Variants in PPARGC1A observed in about 807,000 individuals in gnomAD.
PPARGC1A encodes the protein peroxisome proliferator-activated receptor gamma coactivator 1-alpha.
In PPARGC1A, 25 loss-of-function variants were observed where a neutral mutation model predicts 88.7. The observed-to-expected ratio is 0.28, with a 90% CI of 0.21 to 0.39. The LOEUF is 0.39. PPARGC1A is among the 10% of genes least tolerant of loss of function. PPARGC1A has a pLI of 1.00. For missense variants in PPARGC1A, 880 were observed against 968.7 expected (o/e 0.91, Z 1.22); for synonymous variants, 363 against 355.6 (o/e 1.02, Z -0.24).
the PPARGC1A span, among the ~76,000 whole-genome samples, chr4:24,057,055 G>C: frequency 6.6e-6 from 1 of 152,248 alleles, no homozygotes; most frequent in Non-Finnish European, 1.5e-5. Context: ...AGTAACTCAA[G>C]TATCCATCAA....
the PPARGC1A span, among the ~76,000 whole-genome samples, chr4:23,940,317 C>T: frequency 6.6e-6 from 1 of 152,046 alleles, no homozygotes; most frequent in African/African-American, 2.4e-5. Flanking sequence ...CTGTGGAAGA[C>T]GCTACATGGA....
At chr4:24,291,300 GC>G in the PPARGC1A span, among the ~76,000 whole-genome samples, 7 of 152,096 alleles carry the variant, frequency 4.6e-5, no homozygotes, top group Non-Finnish European at 1.0e-4. Flanking sequence ...TAATAAATTA[GC>G]TTCTTCCCAC....
chr4:24,136,734 G>A, the PPARGC1A span, among the ~76,000 whole-genome samples: 45 of 152,250 alleles, frequency 3.0e-4, no homozygotes, highest in African/African-American at 1.1e-3. Context: ...GAACTGAACT[G>A]TGTCCCCTGA....
chr4:24,041,301 GCA>G, the PPARGC1A span, among the ~76,000 whole-genome samples: 5 of 152,148 alleles, frequency 3.3e-5, no homozygotes. Flanking sequence ...TCCCTGCTGG[GCA>G]CAGTTTAGAA....
the PPARGC1A span, among the ~76,000 whole-genome samples, chr4:24,312,535 A>C: frequency 6.6e-6 from 1 of 151,924 alleles, no homozygotes; most frequent in Admixed American, 6.6e-5. Context: ...TATTTATCAG[A>C]AAATCAGCTT....
the PPARGC1A span, among the ~76,000 whole-genome samples, chr4:24,040,013 A>G: frequency 6.6e-6 from 1 of 152,216 alleles, no homozygotes; most frequent in Non-Finnish European, 1.5e-5. Flanking sequence ...AATAGCCAGG[A>G]TATCTCCACA....
chr4:23,942,006 C>G, the PPARGC1A span, among the ~76,000 whole-genome samples: 1 of 151,996 alleles, frequency 6.6e-6, no homozygotes, highest in Non-Finnish European at 1.5e-5. Flanking sequence ...GGCTTTAGCT[C>G]TTAAAAATCA....
At chr4:24,224,191 CAGAT>C in the PPARGC1A span, among the ~76,000 whole-genome samples, 3 of 152,146 alleles carry the variant, frequency 2.0e-5, no homozygotes, top group African/African-American at 7.2e-5. Context: ...CCAAATCCCT[CAGAT>C]AGATTATGGA....
the PPARGC1A span, among the ~76,000 whole-genome samples, chr4:24,435,764 A>G: frequency 6.6e-6 from 1 of 152,226 alleles, no homozygotes; most frequent in South Asian, 2.1e-4. Flanking sequence ...CATTTTACTA[A>G]CAAAGATACT....
At chr4:24,257,476 G>C in the PPARGC1A span, among the ~76,000 whole-genome samples, 14 of 152,146 alleles carry the variant, frequency 9.2e-5, no homozygotes, top group Admixed American at 8.5e-4. Flanking sequence ...CAGGGCATTG[G>C]TTGTCCTGGC....
At chr4:24,183,518 T>C in the PPARGC1A span, among the ~76,000 whole-genome samples, 21 of 152,206 alleles carry the variant, frequency 1.4e-4, no homozygotes, top group East Asian at 1.3e-3. Context: ...CTTTAAGGTC[T>C]AGAAAAGAGC....
At chr4:23,992,299 GATAATATTATTACTAGTCTA>G in the PPARGC1A span, among the ~76,000 whole-genome samples, 1 of 144,932 alleles carries the variant, frequency 6.9e-6, no homozygotes, top group South Asian at 2.1e-4. Flanking sequence ...ATTATTATCA[GATAATATTATTACTAGTCTA>G]TACTATTATT....
the PPARGC1A span, among the ~76,000 whole-genome samples, chr4:24,411,345 AT>A: frequency 6.6e-6 from 1 of 152,160 alleles, no homozygotes; most frequent in Non-Finnish European, 1.5e-5. Flanking sequence ...CACTAACATT[AT>A]TTTTCAATAG....
intron 2 of PPARGC1A, among the ~76,000 whole-genome samples, chr4:23,875,217 C>G (rs35837266): frequency 0.17 from 25,721 of 152,078 alleles, 2,525 homozygotes; most frequent in East Asian, 0.27. Flanking sequence ...TAAGAAACAT[C>G]AGTCCAAAAT....
chr4:24,166,551 T>A, the PPARGC1A span, among the ~76,000 whole-genome samples: 1 of 152,212 alleles, frequency 6.6e-6, no homozygotes. Flanking sequence ...TTAGTGGAGT[T>A]GGTGACTTTA....
chr4:24,444,827 G>A, the PPARGC1A span, among the ~76,000 whole-genome samples: 1 of 152,172 alleles, frequency 6.6e-6, no homozygotes, highest in African/African-American at 2.4e-5. Flanking sequence ...TGGGAGACAG[G>A]CAGATGGCTT....
At chr4:23,935,136 C>T in the PPARGC1A span, among the ~76,000 whole-genome samples, 1 of 152,156 alleles carries the variant, frequency 6.6e-6, no homozygotes, top group African/African-American at 2.4e-5. Context: ...CCTGGTGCCA[C>T]CTCCCGAAAG....
At chr4:24,267,275 GT>G in the PPARGC1A span, among the ~76,000 whole-genome samples, 2 of 152,114 alleles carry the variant, frequency 1.3e-5, no homozygotes. Context: ...TTTAACTGAT[GT>G]TAAAAAAGAG....
At chr4:24,118,656 T>C in the PPARGC1A span, among the ~76,000 whole-genome samples, 1 of 152,158 alleles carries the variant, frequency 6.6e-6, no homozygotes, top group Non-Finnish European at 1.5e-5. Flanking sequence ...AACAGATAAA[T>C]ATAGACACCA....
Sources: gnomAD v4.1 joint callset for allele counts (sites outside exome capture counted in the v4.1 genomes callset) on GRCh38, gnomAD v4.1.1 for gene constraint, MANE v1.5 for transcripts, NCBI Gene and HGNC (gene_info 2026-07-23, HGNC 2026-07-21) for gene names.